MIR2052HG: variants seen among roughly 807,000 people sequenced by gnomAD.
MIR2052HG encodes MIR2052 host gene.
At chr8:74,602,849 C>CTTTCTTTCTTTCTTTCTTTCTTTCTT (rs1808033555) in intron 1 of MIR2052HG, among the ~76,000 whole-genome samples, 1 of 142,734 alleles carries the variant, frequency 7.0e-6, no homozygotes, top group African/African-American at 2.7e-5. Flanking sequence ...TTCTTTCTTT[C>CTTTCTTTCTTTCTTTCTTTCTTTCTT]TTTCTTTCTT....
intron 4 of MIR2052HG, among the ~76,000 whole-genome samples, chr8:74,722,866 A>G (rs1238529246): frequency 6.6e-6 from 1 of 152,230 alleles, no homozygotes; most frequent in Non-Finnish European, 1.5e-5. Context: ...TTACACGGCT[A>G]GTATGTAGCA....
At chr8:74,684,020 A>G (rs1462983534) in intron 2 of MIR2052HG, among the ~76,000 whole-genome samples, 1 of 152,086 alleles carries the variant, frequency 6.6e-6, no homozygotes. Context: ...CCAGAAAATC[A>G]GTTATTCCCA....
intron 2 of MIR2052HG, among the ~76,000 whole-genome samples, chr8:74,666,516 C>T (rs964056916): frequency 1.3e-5 from 2 of 152,168 alleles, no homozygotes; most frequent in African/African-American, 4.8e-5. Context: ...TCTCTGAGAT[C>T]AGCCCCTCAT....
chr8:74,603,936 C>G (rs939261489), intron 1 of MIR2052HG: 1 of 1,069,710 alleles, frequency 9.3e-7, no homozygotes, highest in African/African-American at 1.5e-5. Flanking sequence ...TAGCAGGGAC[C>G]ACCAGCCTCA....
At chr8:74,647,287 A>G (rs1451186195) in intron 2 of MIR2052HG, among the ~76,000 whole-genome samples, 1 of 152,186 alleles carries the variant, frequency 6.6e-6, no homozygotes, top group Non-Finnish European at 1.5e-5. Flanking sequence ...GGCAAAAGCT[A>G]TGTTGCTTTC....
intron 4 of MIR2052HG, among the ~76,000 whole-genome samples, chr8:74,746,618 G>A (rs1445917661): frequency 2.0e-5 from 3 of 149,102 alleles, no homozygotes; most frequent in African/African-American, 7.5e-5. Context: ...CGAGGAGGGA[G>A]GAAGAGAGAA....
At chr8:74,746,818 G>C (rs1421034821) in intron 4 of MIR2052HG, among the ~76,000 whole-genome samples, 1 of 152,026 alleles carries the variant, frequency 6.6e-6, no homozygotes, top group African/African-American at 2.4e-5. Context: ...ATTGAAAAAG[G>C]TAACAGTATG....
intron 2 of MIR2052HG, among the ~76,000 whole-genome samples, chr8:74,693,508 G>C (rs926579897): frequency 6.6e-6 from 1 of 150,494 alleles, no homozygotes; most frequent in Non-Finnish European, 1.5e-5. Flanking sequence ...TGAAAGCCCT[G>C]CTTGCTTTCT....
At chr8:74,648,311 G>A (rs965402410) in intron 2 of MIR2052HG, among the ~76,000 whole-genome samples, 1 of 152,126 alleles carries the variant, frequency 6.6e-6, no homozygotes, top group Admixed American at 6.5e-5. Flanking sequence ...GTCTCCTGCA[G>A]TACCCTCAGC....
chr8:74,729,102 C>T (rs994945371), intron 4 of MIR2052HG, among the ~76,000 whole-genome samples: 8 of 152,112 alleles, frequency 5.3e-5, no homozygotes, highest in Non-Finnish European at 8.8e-5. Flanking sequence ...TTTCCCAAGT[C>T]GCAAACGAAT....
chr8:74,721,552 C>T (rs1180709557), intron 4 of MIR2052HG, among the ~76,000 whole-genome samples: 4 of 152,286 alleles, frequency 2.6e-5, no homozygotes, highest in South Asian at 4.1e-4. Context: ...TTCTCATCCA[C>T]GAAGTTTCTC....
chr8:74,619,680 A>C (rs1042537710), intron 2 of MIR2052HG, among the ~76,000 whole-genome samples: 1 of 152,212 alleles, frequency 6.6e-6, no homozygotes, highest in Admixed American at 6.5e-5. Flanking sequence ...ACAAGAACAG[A>C]ATAAGGGAAA....
chr8:74,674,940 A>T (rs1381843594), intron 2 of MIR2052HG, among the ~76,000 whole-genome samples: 2 of 152,058 alleles, frequency 1.3e-5, no homozygotes, highest in Admixed American at 1.3e-4. Flanking sequence ...ACAGGCTTTT[A>T]TTGAACCTGT....
chr8:74,616,616 A>T (rs1341678887), intron 2 of MIR2052HG, among the ~76,000 whole-genome samples: 1 of 152,048 alleles, frequency 6.6e-6, no homozygotes, highest in African/African-American at 2.4e-5. Flanking sequence ...TCATATAAAA[A>T]TATAATCTGA....
At chr8:74,718,096 T>G (rs539204200) in intron 4 of MIR2052HG, among the ~76,000 whole-genome samples, 2 of 152,330 alleles carry the variant, frequency 1.3e-5, no homozygotes, top group East Asian at 1.9e-4. Flanking sequence ...TTAAACTATA[T>G]TGCATATTAC....
intron 2 of MIR2052HG, among the ~76,000 whole-genome samples, chr8:74,627,901 C>A (rs1808457290): frequency 6.6e-6 from 1 of 152,138 alleles, no homozygotes; most frequent in Non-Finnish European, 1.5e-5. Context: ...ATCTAAAGGG[C>A]CTTTAAGTTG....
chr8:74,650,585 G>C (rs992855635), intron 2 of MIR2052HG, among the ~76,000 whole-genome samples: 3 of 152,062 alleles, frequency 2.0e-5, no homozygotes, highest in African/African-American at 4.8e-5. Context: ...TGTGTGGTGC[G>C]ATAGATGAGT....
intron 2 of MIR2052HG, among the ~76,000 whole-genome samples, chr8:74,644,307 A>G (rs1208071231): frequency 6.6e-6 from 1 of 152,156 alleles, no homozygotes; most frequent in African/African-American, 2.4e-5. Flanking sequence ...CTTTTTCAAT[A>G]TTTAGACATG....
chr8:74,752,269 G>A (rs1332186939), intron 4 of MIR2052HG, among the ~76,000 whole-genome samples: 7 of 135,088 alleles, frequency 5.2e-5, no homozygotes, highest in African/African-American at 2.0e-4. Context: ...GTGACAGAGT[G>A]AGATCCTGTC....
Sources: gnomAD v4.1 joint callset for allele counts (sites outside exome capture counted in the v4.1 genomes callset) on GRCh38, gnomAD v4.1.1 for gene constraint, MANE v1.5 for transcripts, NCBI Gene and HGNC (gene_info 2026-07-23, HGNC 2026-07-21) for gene names.